The following CLSTN2 variants were observed in gnomAD, a reference collection of about 807,000 sequenced individuals.
The protein encoded by CLSTN2 is calsyntenin 2.
A neutral mutation model predicts 101.2 loss-of-function variants in CLSTN2; 48 were observed. That is an observed-to-expected ratio of 0.47 (90% CI 0.38 to 0.60). CLSTN2 has a LOEUF of 0.60. Among genes scored for constraint, CLSTN2 ranks in the 20% least tolerant of loss-of-function variants. CLSTN2 has a pLI of 0.00. For synonymous variants in CLSTN2, 481 were observed against 463.6 expected, an observed-to-expected ratio of 1.04 and a Z score of -0.48; for missense variants, 1,160 against 1,238.2, an observed-to-expected ratio of 0.94 and a Z score of 0.95.
At chr3:140,181,732 G>T (rs907008255) in intron 2 of CLSTN2, among the ~76,000 whole-genome samples, 45 of 151,944 alleles carry the variant, frequency 3.0e-4, no homozygotes, top group African/African-American at 1.1e-3. Context: ...ACACACTTAT[G>T]TCCAAACCTT....
At position 140,322,881 on chromosome 3, in the gene CLSTN2, C is replaced by T. The variant is rs116565932; in HGVS notation, c.233-80748C>T. Among the ~76,000 whole-genome samples the T allele has an allele frequency of 5.5e-3, 842 of 152,280 alleles. 8 individuals carry two copies. Among genetic ancestry groups the T allele is most frequent in the Middle Eastern group, 0.017 (5 of 294 alleles). The stretch of plus-strand genomic sequence containing the variant: ...TCTCTAAGCAGAAGTTTCTCACCCC[C>T]AGAAAATCATGTACATTATCTGAAT... On this transcript the variant is annotated intron_variant, in intron 2 of 16. Coordinates refer to ENST00000458420, the MANE Select transcript of CLSTN2 (RefSeq NM_022131.3).
At chr3:140,208,825 CA>C (rs1466546630) in intron 2 of CLSTN2, among the ~76,000 whole-genome samples, 4 of 152,136 alleles carry the variant, frequency 2.6e-5, no homozygotes, top group Non-Finnish European at 5.9e-5. Context: ...TCTCTGTACT[CA>C]GGGGGTAGTT....
At chr3:140,540,106 A>G (rs1469544783) in intron 9 of CLSTN2, among the ~76,000 whole-genome samples, 1 of 152,146 alleles carries the variant, frequency 6.6e-6, no homozygotes, top group Non-Finnish European at 1.5e-5. Flanking sequence ...TCAGGCCCTT[A>G]GTTCCTTCAC....
chr3:140,166,542 A>T (rs541037820), intron 1 of CLSTN2, among the ~76,000 whole-genome samples: 1 of 152,346 alleles, frequency 6.6e-6, no homozygotes, highest in African/African-American at 2.4e-5. Flanking sequence ...AGGTAAAAGC[A>T]TAAAGATTCA....
chr3:140,381,828 G>T (rs925373226), intron 2 of CLSTN2, among the ~76,000 whole-genome samples: 3 of 152,226 alleles, frequency 2.0e-5, no homozygotes, highest in African/African-American at 7.2e-5. Context: ...ATTACACAAA[G>T]TCACAGAGGT....
intron 1 of CLSTN2, among the ~76,000 whole-genome samples, chr3:139,990,628 G>A (rs532872843): frequency 3.7e-4 from 56 of 152,328 alleles, no homozygotes; most frequent in South Asian, 2.3e-3. Context: ...ATAAAGAGAA[G>A]GCTCACTACG....
In CLSTN2 at chr3:140,389,805, C is replaced by A. The variant is rs138202276; in HGVS notation, c.233-13824C>A. ...CTCATCAGCATCTGTTGTTTCTTGA[C>A]CTTTTAATATCTATTTTGACTTGCA... On this transcript the variant is annotated intron_variant, in intron 2 of 16. Transcript: ENST00000458420. 2.4e-3 allele frequency among the ~76,000 whole-genome samples: 369 copies of A among 152,140 alleles called. 2 individuals are homozygous for A. The highest frequency in any genetic ancestry group is 8.3e-3 in the African/African-American group (343 of 41,500).
chr3:140,419,548 T>C (rs1190831230), intron 4 of CLSTN2, among the ~76,000 whole-genome samples: 2 of 61,552 alleles, frequency 3.2e-5, no homozygotes, highest in Admixed American at 1.5e-4. Flanking sequence ...TATACATATA[T>C]ACGTGTACGT....
At chr3:140,298,428 G>T (rs2087024004) in intron 2 of CLSTN2, among the ~76,000 whole-genome samples, 1 of 152,194 alleles carries the variant, frequency 6.6e-6, no homozygotes, top group Non-Finnish European at 1.5e-5. Context: ...CATAATTTAT[G>T]TTGGCCTATA....
chr3:140,497,686 C>G (rs1378864249), intron 8 of CLSTN2, among the ~76,000 whole-genome samples: 2 of 152,230 alleles, frequency 1.3e-5, no homozygotes, highest in Non-Finnish European at 2.9e-5. Context: ...GGGGAGTGTA[C>G]GGATGGATCT....
intron 2 of CLSTN2, among the ~76,000 whole-genome samples, chr3:140,286,824 G>A (rs1196914481): frequency 6.6e-6 from 1 of 152,196 alleles, no homozygotes; most frequent in Non-Finnish European, 1.5e-5. Context: ...AAGAGGTAGT[G>A]TAGGCAGTGG....
intron 2 of CLSTN2, among the ~76,000 whole-genome samples, chr3:140,370,706 G>C (rs1256527138): frequency 6.6e-6 from 1 of 152,164 alleles, no homozygotes; most frequent in East Asian, 1.9e-4. Flanking sequence ...TGAAAAAAGA[G>C]AACCATTGGG....
chr3:140,013,532 T>C (rs1229327379), intron 1 of CLSTN2, among the ~76,000 whole-genome samples: 2 of 152,186 alleles, frequency 1.3e-5, no homozygotes, highest in African/African-American at 2.4e-5. Flanking sequence ...GTGCCAAATA[T>C]TGAAATATCT....
rs1935796470 is a variant in CLSTN2 at position 140,556,547 on chromosome 3, T to C, written c.1709T>C (p.Met570Thr). Reference sequence around the variant, plus strand: ...AACCCCTCGCAGTCCATCCTGGTGATGGAAGGTGACGACATTGGGAACATT... The same window carrying C: ...AACCCCTCGCAGTCCATCCTGGTGACGGAAGGTGACGACATTGGGAACATT... ...HFNPSQSILVMEGDDIGNINR... is the reference protein window; with the variant it reads ...HFNPSQSILVTEGDDIGNINR... Residue 570 changes from methionine (M) to threonine (T), a missense_variant, in exon 11 of 17, where the codon ATG (methionine) becomes ACG (threonine). Physicochemically the swap from Met to Thr is moderately conservative, Grantham distance 81 (BLOSUM62 -1). Transcript: ENST00000458420. 3 of 1,613,954 alleles carry C rather than the reference T, an allele frequency of 1.9e-6. No individual in the cohort carries two copies. Among genetic ancestry groups the C allele is most frequent in the South Asian group, 1.1e-5 (1 of 91,084 alleles).
At chr3:140,394,419 C>A (rs897556222) in intron 2 of CLSTN2, among the ~76,000 whole-genome samples, 2 of 152,144 alleles carry the variant, frequency 1.3e-5, no homozygotes, top group African/African-American at 4.8e-5. Context: ...ATGACAGTGT[C>A]CAGAGGACAA....
Position 139,938,673 on chromosome 3 carries a change from A to G in CLSTN2, c.109+3190A>G, listed in dbSNP as rs141817815. ...GGCAGAGAAAGACATGTCTTATCCAAGGGAAGGAAGACAATGCAATCTAGA... is the reference window on the plus strand; with the variant it reads ...GGCAGAGAAAGACATGTCTTATCCAGGGGAAGGAAGACAATGCAATCTAGA... On this transcript the variant is annotated intron_variant, in intron 1 of 16. Coordinates refer to ENST00000458420, the MANE Select transcript of CLSTN2 (RefSeq NM_022131.3). Among the ~76,000 whole-genome samples the G allele has an allele frequency of 3.7e-3, 564 of 152,366 alleles. 3 individuals are homozygous for G. Among genetic ancestry groups the G allele is most frequent in the African/African-American group, 0.013 (536 of 41,580 alleles).
At chr3:139,973,661 C>T (rs1935760701) in intron 1 of CLSTN2, among the ~76,000 whole-genome samples, 1 of 152,036 alleles carries the variant, frequency 6.6e-6, no homozygotes, top group Non-Finnish European at 1.5e-5. Context: ...TAAATTGAGA[C>T]AGGGTCTCTT....
At chr3:140,074,618 C>T (rs1315356785) in intron 1 of CLSTN2, among the ~76,000 whole-genome samples, 2 of 152,238 alleles carry the variant, frequency 1.3e-5, no homozygotes, top group Non-Finnish European at 1.5e-5. Flanking sequence ...TCATGACAAC[C>T]TTTAAGGGAG....
At chr3:140,093,663 A>T (rs1010208731) in intron 1 of CLSTN2, among the ~76,000 whole-genome samples, 2 of 152,126 alleles carry the variant, frequency 1.3e-5, no homozygotes, top group Non-Finnish European at 2.9e-5. Context: ...GGGAAAAACC[A>T]TGGTGATCTT....
Sources: allele counts gnomAD v4.1 joint callset (sites outside exome capture counted in the v4.1 genomes callset), GRCh38; gene constraint gnomAD v4.1.1; transcripts MANE v1.5; gene names NCBI Gene and HGNC (gene_info 2026-07-23, HGNC 2026-07-21).